SLC35H1: variants seen among roughly 807,000 people sequenced by gnomAD.
The protein encoded by SLC35H1 is ovarian cancer-overexpressed gene 1 protein.
At chr20:46,350,459 T>A in the SLC35H1 span, 1 of 1,613,228 alleles carries the variant, frequency 6.2e-7, no homozygotes, top group Non-Finnish European at 8.5e-7. Context: ...CGCTGGCTGC[T>A]CCGGAGCAGC....
the SLC35H1 span, chr20:46,356,004 C>T: frequency 1.1e-4 from 143 of 1,358,386 alleles, no homozygotes; most frequent in East Asian, 5.3e-4. Context: ...GAGTGATAAG[C>T]GACCTTTAAT....
At chr20:46,358,525 C>T in the SLC35H1 span, 46 of 1,614,068 alleles carry the variant, frequency 2.8e-5, no homozygotes, top group East Asian at 6.7e-5. Context: ...GCTGCAGCAC[C>T]GGAGCTCCTG....
At chr20:46,354,482 G>A in the SLC35H1 span, among the ~76,000 whole-genome samples, 3 of 152,182 alleles carry the variant, frequency 2.0e-5, no homozygotes, top group Admixed American at 2.0e-4. Context: ...GAGCCAGGCT[G>A]CTGGCTTCAA....
At chr20:46,359,968 A>G in the SLC35H1 span, among the ~76,000 whole-genome samples, 4 of 152,150 alleles carry the variant, frequency 2.6e-5, no homozygotes, top group African/African-American at 9.7e-5. Context: ...GCTGTGTCCA[A>G]ATGAATCTCT....
chr20:46,353,606 C>T, the SLC35H1 span, among the ~76,000 whole-genome samples: 1 of 152,226 alleles, frequency 6.6e-6, no homozygotes, highest in Non-Finnish European at 1.5e-5. Context: ...CTCAGCAGAA[C>T]TGCAAAGGCG....
At chr20:46,357,079 CTT>C in the SLC35H1 span, among the ~76,000 whole-genome samples, 1 of 152,192 alleles carries the variant, frequency 6.6e-6, no homozygotes. Context: ...TCCTGAAACA[CTT>C]TGAGTTCCCT....
At chr20:46,358,591 G>A in the SLC35H1 span, 4 of 1,603,612 alleles carry the variant, frequency 2.5e-6, no homozygotes, top group South Asian at 4.5e-5. Flanking sequence ...AGCCGGTGGA[G>A]TTAGACCACA....
At chr20:46,358,767 C>G in the SLC35H1 span, 1 of 1,521,882 alleles carries the variant, frequency 6.6e-7, no homozygotes. Flanking sequence ...AGGTCTGCTG[C>G]TGGGGAAAAA....
the SLC35H1 span, chr20:46,355,148 A>T: frequency 6.2e-7 from 1 of 1,614,136 alleles, no homozygotes; most frequent in South Asian, 1.1e-5. The surrounding 1 kb of genome is among the most constrained non-coding windows in gnomAD (Gnocchi z 4.8). Flanking sequence ...CCCAGCACCA[A>T]GGCGAAGCCC....
At chr20:46,347,586 G>A in the SLC35H1 span, 1 of 152,244 alleles carries the variant, frequency 6.6e-6, no homozygotes, top group Admixed American at 6.5e-5. Flanking sequence ...AGTGTGTGAT[G>A]CAGGAAGCTG....
At chr20:46,355,461 T>G in the SLC35H1 span, 1 of 640,258 alleles carries the variant, frequency 1.6e-6, no homozygotes, top group South Asian at 2.0e-5. The surrounding 1 kb of genome is among the most constrained non-coding windows in gnomAD (Gnocchi z 4.8). Context: ...CTGCTTGCTC[T>G]GCCACACTGA....
the SLC35H1 span, among the ~76,000 whole-genome samples, chr20:46,358,166 A>T: frequency 6.6e-6 from 1 of 152,084 alleles, no homozygotes; most frequent in Non-Finnish European, 1.5e-5. Flanking sequence ...TCCCCAGCTC[A>T]TCCCTTCACA....
chr20:46,362,859 C>T, the SLC35H1 span, among the ~76,000 whole-genome samples: 1 of 152,196 alleles, frequency 6.6e-6, no homozygotes, highest in Admixed American at 6.5e-5. Flanking sequence ...CTCCGCCTCA[C>T]GGGTTCAAGT....
the SLC35H1 span, chr20:46,358,656 G>A: frequency 6.4e-6 from 10 of 1,552,884 alleles, no homozygotes; most frequent in Non-Finnish European, 7.8e-6. Context: ...TCCATGATTC[G>A]GAACCATCAG....
At chr20:46,363,234 G>A in the SLC35H1 span, 1 of 152,098 alleles carries the variant, frequency 6.6e-6, no homozygotes, top group South Asian at 2.1e-4. Context: ...TATAAAAATT[G>A]GGTGCCTAAA....
the SLC35H1 span, among the ~76,000 whole-genome samples, chr20:46,357,297 G>A: frequency 3.9e-5 from 6 of 152,358 alleles, no homozygotes; most frequent in Non-Finnish European, 5.9e-5. Flanking sequence ...ACAGCCCTGC[G>A]AGGGCAGGGA....
At chr20:46,350,810 G>A in the SLC35H1 span, 3 of 1,614,098 alleles carry the variant, frequency 1.9e-6, no homozygotes, top group Non-Finnish European at 2.5e-6. Flanking sequence ...TTCCCGAGAG[G>A]CAGAGGGCGA....
At chr20:46,350,692 A>G in the SLC35H1 span, 2 of 1,573,200 alleles carry the variant, frequency 1.3e-6, no homozygotes, top group Non-Finnish European at 1.7e-6. Flanking sequence ...CACTTCCTGC[A>G]TCAGAATCAC....
the SLC35H1 span, chr20:46,359,007 A>G: frequency 1.9e-6 from 1 of 519,916 alleles, no homozygotes. Flanking sequence ...AAAACCCTTC[A>G]GCAGCTTCCA....
Sources: allele counts gnomAD v4.1 joint callset (sites outside exome capture counted in the v4.1 genomes callset), GRCh38; gene constraint gnomAD v4.1.1; non-coding constraint Gnocchi (gnomAD v3.1); transcripts MANE v1.5; gene names NCBI Gene and HGNC (gene_info 2026-07-23, HGNC 2026-07-21).